Variants in RGS5 observed in about 807,000 individuals in gnomAD.
RGS5 encodes regulator of G protein signaling 5.
Under a neutral mutation model 18.9 loss-of-function variants are expected in RGS5, and 20 were observed. The ratio of observed to expected loss-of-function variants is 1.06; its 90% CI spans 0.74 to 1.54. The LOEUF (loss-of-function observed/expected upper bound fraction) is 1.54, where lower values mean the gene tolerates loss of function less well. Among genes scored for constraint, RGS5 ranks in the 40% most tolerant of loss-of-function variants. The pLI, the probability that RGS5 is intolerant of heterozygous loss-of-function variation, is 0.00. For missense variants in RGS5, 201 were observed against 211.8 expected, an observed-to-expected ratio of 0.95 and a Z score of 0.32; for synonymous variants, 57 against 76.2, an observed-to-expected ratio of 0.75 and a Z score of 1.31.
intron 1 of RGS5, among the ~76,000 whole-genome samples, chr1:163,171,525 T>C (rs1649437821): frequency 2.0e-5 from 3 of 152,178 alleles, no homozygotes; most frequent in Admixed American, 1.3e-4. Context: ...AGGTTTCTGT[T>C]TGGTTGGTTG....
chr1:163,147,693 C>A (rs1164596868), intron 4 of RGS5, among the ~76,000 whole-genome samples, 190 bp from the exon 5 acceptor site: 2 of 152,160 alleles, frequency 1.3e-5, no homozygotes, highest in Non-Finnish European at 2.9e-5. Context: ...ATGCATCCAA[C>A]CGGTATTAGA....
intron 2 of RGS5, among the ~76,000 whole-genome samples, chr1:163,237,554 G>A (rs12404236): frequency 0.017 from 2,602 of 151,924 alleles, 43 homozygotes; most frequent in South Asian, 0.052. Context: ...GCACGGTGGC[G>A]TGCACCTGTA....
Position 163,164,128 on chromosome 1 carries a change from A to G in RGS5, c.156-2152T>C, listed in dbSNP as rs1350881248. On this transcript the variant is annotated intron_variant, in intron 2 of 4. Coordinates refer to ENST00000313961, the MANE Select transcript of RGS5 (RefSeq NM_003617.4). Reference sequence around the variant, plus strand: ...CACAGTCAAGTAGGATACATCCCCCACAGCATGAAGCCCAGCATTTTGATT... The same window carrying G: ...CACAGTCAAGTAGGATACATCCCCCGCAGCATGAAGCCCAGCATTTTGATT... Among the ~76,000 whole-genome samples, 7 of 152,270 alleles carry G rather than the reference A, an allele frequency of 4.6e-5. No homozygotes were observed. The East Asian group carries it at 1.4e-3, about 29-fold the overall frequency.
At chr1:163,299,969 A>T (rs540503549) in intron 2 of RGS5, among the ~76,000 whole-genome samples, 1 of 152,360 alleles carries the variant, frequency 6.6e-6, no homozygotes, top group South Asian at 2.1e-4. Flanking sequence ...TCTTTTAAAA[A>T]GGAGTACACA....
Position 163,240,051 on chromosome 1 carries a change from G to T in RGS5, c.-281+66182C>A, listed in dbSNP as rs941093213. Among the ~76,000 whole-genome samples, 332 of 148,970 alleles carry T rather than the reference G, an allele frequency of 2.2e-3. 1 individual carries two copies. The highest frequency in any genetic ancestry group is 8.0e-3 in the African/African-American group (326 of 40,782). On this transcript the variant is annotated intron_variant, in intron 2 of 5. Transcript: ENST00000618415. ...CTACTTTAGAAAACTGTTTAGCAGG[G>T]TTTTTTTTTTTCATTAAAAGGAAAA...
intron 2 of RGS5, among the ~76,000 whole-genome samples, chr1:163,226,896 G>A (rs986573475): frequency 1.3e-5 from 2 of 152,124 alleles, no homozygotes; most frequent in Non-Finnish European, 2.9e-5. Flanking sequence ...ATCCACTTCA[G>A]TTTTTAAGGA....
chr1:163,178,062 G>T (rs528593582), intron 1 of RGS5, among the ~76,000 whole-genome samples: 24 of 152,284 alleles, frequency 1.6e-4, no homozygotes, highest in African/African-American at 5.5e-4. Context: ...CAGCACTTTA[G>T]GAGGCCAAGG....
At chr1:163,155,071 G>A (rs1657529714) in intron 3 of RGS5, among the ~76,000 whole-genome samples, 1 of 152,058 alleles carries the variant, frequency 6.6e-6, no homozygotes, top group East Asian at 1.9e-4. Flanking sequence ...TTAGCTTCCA[G>A]GAAATGAAGT....
At chr1:163,224,661 A>G (rs996591205) in intron 2 of RGS5, among the ~76,000 whole-genome samples, 1 of 152,214 alleles carries the variant, frequency 6.6e-6, no homozygotes, top group Non-Finnish European at 1.5e-5. Context: ...TTTCACCAAC[A>G]TTGTATAAGA....
intron 2 of RGS5, among the ~76,000 whole-genome samples, chr1:163,294,232 T>C (rs1405660661): frequency 6.6e-6 from 1 of 152,252 alleles, no homozygotes; most frequent in Non-Finnish European, 1.5e-5. Flanking sequence ...CCATGAGGGC[T>C]GCCCCTGCAG....
chr1:163,297,281 A>G (rs1046414974), intron 2 of RGS5, among the ~76,000 whole-genome samples: 2 of 152,170 alleles, frequency 1.3e-5, no homozygotes, highest in African/African-American at 4.8e-5. Flanking sequence ...GGCTTTGTGC[A>G]ATACAGATAA....
At chr1:163,169,698 C>T (rs182966902) in intron 1 of RGS5, among the ~76,000 whole-genome samples, 1 of 152,074 alleles carries the variant, frequency 6.6e-6, no homozygotes, top group Non-Finnish European at 1.5e-5. Context: ...TACTGCCAGA[C>T]CTCAGTTCCC....
chr1:163,320,982 C>T (rs1271354594), intron 1 of RGS5, among the ~76,000 whole-genome samples: 4 of 152,204 alleles, frequency 2.6e-5, no homozygotes, highest in Admixed American at 6.5e-5. Flanking sequence ...CCTATTACGT[C>T]TTCTCCTGTC....
intron 1 of RGS5, among the ~76,000 whole-genome samples, chr1:163,311,582 A>C (rs1428954069): frequency 2.6e-5 from 4 of 152,196 alleles, no homozygotes; most frequent in African/African-American, 7.2e-5. Flanking sequence ...TAATTCAAAT[A>C]TTGCTGTGTC....
At chr1:163,310,100 G>A (rs1437178135) in intron 1 of RGS5, among the ~76,000 whole-genome samples, 1 of 152,142 alleles carries the variant, frequency 6.6e-6, no homozygotes, top group Non-Finnish European at 1.5e-5. Flanking sequence ...CTGTCATCAA[G>A]GATTTGTTGT....
At chr1:163,293,737 C>T (rs1321924846) in intron 2 of RGS5, among the ~76,000 whole-genome samples, 3 of 152,156 alleles carry the variant, frequency 2.0e-5, no homozygotes, top group Non-Finnish European at 4.4e-5. Context: ...CTTCCAACTA[C>T]GAGCCTGTAA....
In RGS5 at chr1:163,246,899, G is replaced by A. The variant is rs578062290; in HGVS notation, c.-281+59334C>T. ...CATATACACTATGGAGTACTATATA[G>A]CCATAAAAAGAATGAAATCATGTCG... On this transcript the variant is annotated intron_variant, in intron 2 of 5. Coordinates refer to the RGS5 transcript ENST00000618415. Among the ~76,000 whole-genome samples the A allele has an allele frequency of 3.9e-5, 6 of 152,306 alleles. No homozygotes were observed. The East Asian group carries it at 1.2e-3, about 29-fold the overall frequency.
At chr1:163,148,639 A>T (rs1320635906) in intron 4 of RGS5, among the ~76,000 whole-genome samples, 1 of 152,204 alleles carries the variant, frequency 6.6e-6, no homozygotes, top group Non-Finnish European at 1.5e-5. Context: ...CCAGCCTTTT[A>T]ACCAGTAGAC....
At chr1:163,276,405 C>A (rs1489784956) in intron 2 of RGS5, among the ~76,000 whole-genome samples, 1 of 152,032 alleles carries the variant, frequency 6.6e-6, no homozygotes, top group African/African-American at 2.4e-5. Context: ...TTACTGGGTA[C>A]AATACTCTCA....
Sources: allele counts gnomAD v4.1 joint callset (sites outside exome capture counted in the v4.1 genomes callset), GRCh38; gene constraint gnomAD v4.1.1; transcripts MANE v1.5; gene names NCBI Gene and HGNC (gene_info 2026-07-23, HGNC 2026-07-21).